FOCAD: variants seen among roughly 807,000 people sequenced by gnomAD.
FOCAD encodes the protein focadhesin, also known as KIAA1797.
In FOCAD, 198 loss-of-function variants were observed where a neutral mutation model predicts 225.6. The observed-to-expected ratio is 0.88, with a 90% confidence interval of 0.78 to 0.99. The LOEUF (loss-of-function observed/expected upper bound fraction) is 0.99, where lower values mean the gene tolerates loss of function less well. Ranked by LOEUF, FOCAD falls within the 50% of genes least tolerant of loss-of-function variation. The pLI is 0.00. For missense variants in FOCAD, 2,713 were observed against 2,123.6 expected (o/e 1.28, Z -5.46); for synonymous variants, 897 against 755.0 (o/e 1.19, Z -3.08).
intron 21 of FOCAD, among the ~76,000 whole-genome samples, chr9:20,888,440 A>AT (rs1194871506): frequency 6.6e-6 from 1 of 151,974 alleles, no homozygotes; most frequent in African/African-American, 2.4e-5. Context: ...CCTGGCCTTC[A>AT]TTTTTTTATA....
intron 24 of FOCAD, among the ~76,000 whole-genome samples, chr9:20,919,254 C>A (rs1834155238): frequency 6.6e-6 from 1 of 152,152 alleles, no homozygotes; most frequent in Admixed American, 6.5e-5. Context: ...ATCCAACTTA[C>A]AAGGGACGTG....
intron 11 of FOCAD, among the ~76,000 whole-genome samples, chr9:20,800,865 A>G (rs574148833): frequency 2.0e-4 from 30 of 152,122 alleles, no homozygotes; most frequent in Admixed American, 5.9e-4. Flanking sequence ...GTCATTCTCC[A>G]TCCAGCTTTG....
chr9:20,716,357 T>C lies in FOCAD; in HGVS notation c.57+947T>C, dbSNP rs79673765. 2.0e-5 allele frequency among the ~76,000 whole-genome samples: 3 copies of C among 152,186 alleles called. No individual in the cohort carries two copies. In the East Asian group the frequency reaches 5.8e-4, roughly 29 times the overall value. On this transcript the variant is annotated intron_variant, in intron 2 of 43. Transcript: ENST00000338382. ...TGAAAAAAATATATATATATATTTA[T>C]ATTGTTTAGTGTAGGATGGCTATTT...
chr9:20,799,544 A>G (rs1181490087), intron 11 of FOCAD, among the ~76,000 whole-genome samples: 2 of 152,156 alleles, frequency 1.3e-5, no homozygotes, highest in East Asian at 1.9e-4. Flanking sequence ...TATTGGGTGC[A>G]TATATATTTA....
chr9:20,711,256 T>A (rs1386020868), intron 1 of FOCAD, among the ~76,000 whole-genome samples: 1 of 152,172 alleles, frequency 6.6e-6, no homozygotes, highest in East Asian at 1.9e-4. Context: ...TCCTGTAGGA[T>A]TGAGCAGATT....
chr9:20,932,187 G>A lies in FOCAD; in HGVS notation c.3318-827G>A, dbSNP rs140312004. Among the ~76,000 whole-genome samples the A allele has an allele frequency of 2.6e-3, 399 of 152,270 alleles. 3 individuals carry two copies. The highest frequency in any genetic ancestry group is 8.9e-3 in the African/African-American group (369 of 41,550). On this transcript the variant is annotated intron_variant, in intron 27 of 43. Coordinates refer to ENST00000338382, the MANE Select transcript of FOCAD (RefSeq NM_001375567.1). ...TGTGTGTGTGATATGAGGGGTGTGC[G>A]TGTGGGCATTTGTTTTTCATTGCAA...
intron 7 of FOCAD, among the ~76,000 whole-genome samples, chr9:20,769,781 A>C (rs964727847): frequency 1.3e-5 from 2 of 152,218 alleles, no homozygotes; most frequent in Non-Finnish European, 2.9e-5. Context: ...AAGCTAGAAA[A>C]ATGAAAGAAA....
chr9:20,949,609 A>T lies in FOCAD; in HGVS notation c.3882A>T (p.Lys1294Asn). The stretch of plus-strand genomic sequence containing the variant: ...ATTTCTTCTTATTCTTTCAGCTGAA[A>T]TCAGAAGCCATCCAGACCTCTCATT... The part of the protein sequence containing the change: ...VGSEGDVMQL[K>N]SEAIQTSHFQ... Residue 1294 changes from lysine to asparagine, a missense_variant, in exon 33 of 44, where the codon AAA becomes AAT. Coordinates refer to ENST00000338382, the MANE Select transcript of FOCAD (RefSeq NM_001375567.1). The T allele has an allele frequency of 6.2e-7, 1 of 1,613,114 alleles. No homozygotes were observed. Among genetic ancestry groups the T allele is most frequent in the Non-Finnish European group, 8.5e-7 (1 of 1,179,308 alleles).
At chr9:20,726,116 C>T (rs1451844905) in intron 4 of FOCAD, among the ~76,000 whole-genome samples, 1 of 152,144 alleles carries the variant, frequency 6.6e-6, no homozygotes, top group Non-Finnish European at 1.5e-5. Flanking sequence ...TATATAGCAG[C>T]ATATAGTTTT....
chr9:20,762,815 C>T (rs1829728824), intron 6 of FOCAD, among the ~76,000 whole-genome samples: 1 of 67,382 alleles, frequency 1.5e-5, no homozygotes, highest in Non-Finnish European at 3.9e-5. Flanking sequence ...TCAGCCCTTG[C>T]CCCTCCTTCC....
intron 4 of FOCAD, among the ~76,000 whole-genome samples, chr9:20,725,620 G>C (rs1826133923): frequency 6.6e-6 from 1 of 152,022 alleles, no homozygotes; most frequent in South Asian, 2.1e-4. Context: ...TTCATCCTTT[G>C]TAAGTCTAGT....
At chr9:20,660,106 G>A (rs1445163659) in intron 2 of FOCAD, among the ~76,000 whole-genome samples, 1 of 152,176 alleles carries the variant, frequency 6.6e-6, no homozygotes. Context: ...CATCCTTATG[G>A]ACAGGTTCAG....
chr9:20,715,407 A>G lies in FOCAD; in HGVS notation c.54A>G (p.Ser18=). The G allele has an allele frequency of 1.3e-6, 2 of 1,509,018 alleles. No individual in the cohort carries two copies. The allele number at this position is 1,509,018 out of a possible 1,614,324, so 93.5% of individuals were successfully genotyped here. ...RFEFPNSLIQ[S]QAVGHLIAAV... ...AATTTCCAAATTCTCTTATCCAATCACAGGTAATTTTGTTTGTTTATTTTT... is the reference window on the plus strand; with the variant it reads ...AATTTCCAAATTCTCTTATCCAATCGCAGGTAATTTTGTTTGTTTATTTTT... Residue 18 remains serine, a synonymous_variant, in exon 2 of 44, where the codon TCA becomes TCG. Transcript: ENST00000338382.
At chr9:20,696,844 C>T (rs1292743357) in intron 1 of FOCAD, among the ~76,000 whole-genome samples, 1 of 151,874 alleles carries the variant, frequency 6.6e-6, no homozygotes, top group African/African-American at 2.4e-5. Flanking sequence ...GCCATCGTAA[C>T]CGTATTAAGA....
chr9:20,964,731 T>A (rs532353400), intron 35 of FOCAD, among the ~76,000 whole-genome samples: 92 of 152,308 alleles, frequency 6.0e-4, no homozygotes, highest in African/African-American at 2.1e-3. Flanking sequence ...AGACAGGCTT[T>A]CACCATGTTG....
At chr9:20,672,932 C>T (rs1443459635) in intron 2 of FOCAD, among the ~76,000 whole-genome samples, 2 of 152,166 alleles carry the variant, frequency 1.3e-5, no homozygotes, top group Non-Finnish European at 2.9e-5. Context: ...GTTTCTAATA[C>T]ATAACTTATT....
intron 4 of FOCAD, among the ~76,000 whole-genome samples, chr9:20,724,304 T>G (rs1463169427): frequency 6.6e-6 from 1 of 152,230 alleles, no homozygotes. Context: ...TCTAATCTTT[T>G]ACAATAGATA....
intron 15 of FOCAD, among the ~76,000 whole-genome samples, chr9:20,860,848 G>GT (rs1828711350): frequency 6.6e-6 from 1 of 152,144 alleles, no homozygotes; most frequent in Admixed American, 6.5e-5. Flanking sequence ...AAATTGTTTT[G>GT]TATTTCTTAA....
intron 21 of FOCAD, among the ~76,000 whole-genome samples, chr9:20,896,422 T>C (rs981269268): frequency 6.6e-6 from 1 of 151,964 alleles, no homozygotes; most frequent in Non-Finnish European, 1.5e-5. Context: ...TGAAAGAGAC[T>C]GTTGGGAATT....
Sources: gnomAD v4.1 joint callset for allele counts (sites outside exome capture counted in the v4.1 genomes callset) on GRCh38, gnomAD v4.1.1 for gene constraint, MANE v1.5 for transcripts, NCBI Gene and HGNC (gene_info 2026-07-23, HGNC 2026-07-21) for gene names.